ANKRD28: variants seen among roughly 807,000 people sequenced by gnomAD.
The protein encoded by ANKRD28 is ankyrin repeat domain 28, also known as serine/threonine-protein phosphatase 6 regulatory ankyrin repeat subunit A.
A neutral mutation model predicts 126.5 loss-of-function variants in ANKRD28; 44 were observed. The observed-to-expected ratio is 0.35, with a 90% CI of 0.27 to 0.45. ANKRD28 has a LOEUF of 0.45. Ranked by LOEUF, ANKRD28 falls within the 20% of genes least tolerant of loss-of-function variation. The probability of loss-of-function intolerance (pLI) is 1.00; values close to 1 mark genes in which losing one functional copy is unlikely to be tolerated. For missense variants in ANKRD28, 1,110 were observed against 1,316.6 expected (o/e 0.84, Z 2.43); for synonymous variants, 442 against 468.5 (o/e 0.94, Z 0.73).
intron 1 of ANKRD28, among the ~76,000 whole-genome samples, chr3:15,831,161 G>C (rs1006993367): frequency 6.6e-6 from 1 of 152,090 alleles, no homozygotes; most frequent in African/African-American, 2.4e-5. Context: ...GCTGAGTTCT[G>C]TGAGTCTTTC....
rs61658995 is a variant in ANKRD28 at position 15,810,701 on chromosome 3, CTTT to C, written c.28-15398_28-15396del. On this transcript the variant is annotated intron_variant, in intron 1 of 27. Coordinates refer to the ANKRD28 transcript ENST00000399451. ...AGGATTATGAGTAATTTGTTCTCTC[CTTT>C]TTTTTTTTTTTCCCCTAAGTAACAT... is the stretch of plus-strand genomic sequence containing the variant. 3.2e-4 allele frequency among the ~76,000 whole-genome samples: 46 copies of C among 143,508 alleles called. No homozygotes were observed. The South Asian group carries it at 3.3e-3, about 10-fold the overall frequency. 94.1% of individuals were successfully genotyped at this position (143,508 alleles called of 152,430 possible).
chr3:15,718,843 T>A (rs2073380308), intron 8 of ANKRD28, among the ~76,000 whole-genome samples: 1 of 152,204 alleles, frequency 6.6e-6, no homozygotes, highest in African/African-American at 2.4e-5. Flanking sequence ...CAAGATTAAT[T>A]CCAAATCTTT....
rs969980769 is a variant in ANKRD28, at chr3:15,817,334, C to G, written c.28-22028G>C. On this transcript the variant is annotated intron_variant, in intron 1 of 27. Transcript: ENST00000399451. This position sits in a 1 kb window ranked among gnomAD's most constrained non-coding sequence, Gnocchi z 4.5. ...AATTTTATAGGTTATAAACTAACAT[C>G]GGCAATTTCATATGGTCCAACCTAA... Among the ~76,000 whole-genome samples, 1 of 151,950 alleles carries G rather than the reference C, an allele frequency of 6.6e-6. No homozygotes were observed. Among genetic ancestry groups the G allele is most frequent in the South Asian group, 2.1e-4 (1 of 4,822 alleles).
intron 1 of ANKRD28, among the ~76,000 whole-genome samples, chr3:15,859,136 C>T (rs1559606232): frequency 2.6e-5 from 4 of 152,218 alleles, no homozygotes; most frequent in African/African-American, 7.2e-5. Context: ...GGAACCCGCC[C>T]CTCTTGCTGC....
intron 13 of ANKRD28, among the ~76,000 whole-genome samples, chr3:15,708,801 T>C (rs1490384125): frequency 6.6e-6 from 1 of 152,206 alleles, no homozygotes; most frequent in Non-Finnish European, 1.5e-5. Flanking sequence ...ATTTCTGATT[T>C]CCTACCATGC....
At chr3:15,674,073 G>A (rs1269673200) in intron 27 of ANKRD28, among the ~76,000 whole-genome samples, 4 of 147,166 alleles carry the variant, frequency 2.7e-5, no homozygotes, top group Admixed American at 2.1e-4. Context: ...TTGGGAGGCT[G>A]AGGTGAGAGG....
chr3:15,764,638 CAGT>C lies in ANKRD28; in HGVS notation c.280+1593_280+1595del, dbSNP rs1191190601. 2.6e-5 allele frequency among the ~76,000 whole-genome samples: 4 copies of C among 152,032 alleles called. No individual in the cohort carries two copies. In the South Asian group the frequency reaches 8.3e-4, roughly 32 times the overall value. ...TTCTGTGTTAAAATAAAAAATGCAG[CAGT>C]AGACTTCTTATCCAGTCCTAAACTG... On this transcript the variant is annotated intron_variant, in intron 3 of 27. Transcript: ENST00000683139.
upstream of ANKRD28, among the ~76,000 whole-genome samples, chr3:15,799,322 A>C (rs1197798368): frequency 6.6e-6 from 1 of 151,946 alleles, no homozygotes; most frequent in African/African-American, 2.4e-5. Context: ...AAAAGGAAAA[A>C]AAAAACAAAA....
At chr3:15,779,156 C>T (rs2059431741) in intron 2 of ANKRD28, among the ~76,000 whole-genome samples, 1 of 152,162 alleles carries the variant, frequency 6.6e-6, no homozygotes, top group South Asian at 2.1e-4. Flanking sequence ...AGAAATAATA[C>T]AGGGGACCAT....
chr3:15,813,031 GC>G (rs1332206881), intron 1 of ANKRD28, among the ~76,000 whole-genome samples: 3 of 147,288 alleles, frequency 2.0e-5, no homozygotes, highest in Non-Finnish European at 4.5e-5. Flanking sequence ...CAACATAACA[GC>G]TTTTTAATCA....
At chr3:15,689,585 TG>T (rs1356862064) in intron 18 of ANKRD28, among the ~76,000 whole-genome samples, 1 of 152,250 alleles carries the variant, frequency 6.6e-6, no homozygotes, top group Non-Finnish European at 1.5e-5. Flanking sequence ...ACAGTTTTAA[TG>T]ACTTCTTAAA....
rs116496798 is a variant in ANKRD28 at position 15,705,300 on chromosome 3, T to C, written c.1547+2624A>G. Among the ~76,000 whole-genome samples, 1,179 of 152,334 alleles carry C rather than the reference T, an allele frequency of 7.7e-3. 10 individuals are homozygous for C. Among genetic ancestry groups the C allele is most frequent in the Non-Finnish European group, 0.011 (773 of 68,022 alleles). On this transcript the variant is annotated intron_variant, in intron 14 of 27. Transcript: ENST00000683139. ...AACCACACATCTCCAACACTATGGG[T>C]TGAATTATATGTTATTCCTTTGTGG... is the stretch of plus-strand genomic sequence containing the variant.
upstream of ANKRD28, chr3:15,798,006 T>C: frequency 1.0e-6 from 1 of 985,348 alleles, no homozygotes; most frequent in Non-Finnish European, 1.2e-6. Flanking sequence ...TGTAACTTCC[T>C]CTAGCAGGAG....
rs1035051625 is a variant in ANKRD28, at chr3:15,690,293, A to G, written c.1762-73T>C. 8.1e-6 allele frequency: 10 copies of G among 1,241,542 alleles called. No homozygotes were observed. The African/African-American group carries it at 1.5e-4, about 19-fold the overall frequency. The allele number at this position is 1,241,542 out of a possible 1,614,324, so 76.9% of individuals were successfully genotyped here. On this transcript the variant is annotated intron_variant, in intron 17 of 27. Transcript: ENST00000683139. ...ACTTCCTAAATACTTGAATAAATGT[A>G]AATAAGCAAACTTGTCTTCATATTA...
chr3:15,698,053 G>C (rs1309671754), intron 14 of ANKRD28, among the ~76,000 whole-genome samples: 1 of 151,930 alleles, frequency 6.6e-6, no homozygotes, highest in Non-Finnish European at 1.5e-5. Flanking sequence ...ATTGTAGTTT[G>C]TATTTCTTTG....
chr3:15,689,481 A>G (rs2068528737), intron 18 of ANKRD28, among the ~76,000 whole-genome samples: 1 of 152,212 alleles, frequency 6.6e-6, no homozygotes. Context: ...GGAGGCTGCC[A>G]AGGTTGTTTT....
rs540402618 is a variant in ANKRD28 at position 15,690,896 on chromosome 3, G to C, written c.1762-676C>G. Among the ~76,000 whole-genome samples, 3 of 152,214 alleles carry C rather than the reference G, an allele frequency of 2.0e-5. No homozygotes were observed. The South Asian group carries it at 6.2e-4, about 32-fold the overall frequency. On this transcript the variant is annotated intron_variant, in intron 17 of 27. Transcript: ENST00000683139. ...AGCCTGTGTTCTTAATCACAGTTCAGTGCTCCACATCAACTGCAAAGACAG... is the reference window on the plus strand; with the variant it reads ...AGCCTGTGTTCTTAATCACAGTTCACTGCTCCACATCAACTGCAAAGACAG...
intron 3 of ANKRD28, among the ~76,000 whole-genome samples, chr3:15,764,632 A>G (rs1434912972): frequency 1.3e-5 from 2 of 152,196 alleles, no homozygotes; most frequent in Non-Finnish European, 2.9e-5. Context: ...AAAATAAAAA[A>G]TGCAGCAGTA....
At chr3:15,751,893 G>T in intron 3 of ANKRD28, 73 bp from the exon 4 acceptor site, 1 of 1,001,078 alleles carries the variant, frequency 1.0e-6, no homozygotes, top group South Asian at 1.7e-5. Context: ...TGAAATAGTA[G>T]TTATATATAA....
Sources: gnomAD v4.1 joint callset for allele counts (sites outside exome capture counted in the v4.1 genomes callset) on GRCh38, gnomAD v4.1.1 for gene constraint, Gnocchi (gnomAD v3.1) non-coding constraint, MANE v1.5 for transcripts, NCBI Gene and HGNC (gene_info 2026-07-23, HGNC 2026-07-21) for gene names.